MEGF11: variants seen among roughly 807,000 people sequenced by gnomAD.
The protein encoded by MEGF11 is multiple EGF like domains 11.
MEGF11 carries 126 observed loss-of-function variants against 146.6 expected under a neutral mutation model. That is an observed-to-expected ratio of 0.86 (90% CI 0.74 to 1.00). The LOEUF is 1.00. Ranked by LOEUF, MEGF11 falls within the 50% of genes least tolerant of loss-of-function variation. MEGF11 has a pLI of 0.00. For missense variants in MEGF11, 1,509 were observed against 1,521.2 expected (o/e 0.99, Z 0.13); for synonymous variants, 532 against 583.4 (o/e 0.91, Z 1.27).
chr15:65,970,811 G>A, intron 7 of MEGF11, 122 bp from the exon 8 acceptor site: 1 of 1,136,304 alleles, frequency 8.8e-7, no homozygotes, highest in Non-Finnish European at 1.2e-6. Flanking sequence ...TCAGACAGCT[G>A]GACACCAGGG....
chr15:65,909,285 A>G, intron 22 of MEGF11, 150 bp from the exon 23 acceptor site: 1 of 645,674 alleles, frequency 1.5e-6, no homozygotes, highest in Non-Finnish European at 2.8e-6. Context: ...CAGAGGGGCC[A>G]GGGCCAGCGG....
At chr15:66,193,276 TC>T (rs1281830850) in intron 1 of MEGF11, among the ~76,000 whole-genome samples, 4 of 152,224 alleles carry the variant, frequency 2.6e-5, no homozygotes, top group Non-Finnish European at 5.9e-5. Context: ...TGAAGCTGAC[TC>T]CTTTGTGTTC....
intron 5 of MEGF11, among the ~76,000 whole-genome samples, chr15:66,011,936 T>C (rs1315042988): frequency 2.6e-5 from 4 of 152,068 alleles, no homozygotes; most frequent in African/African-American, 9.7e-5. Flanking sequence ...GATGTATGCA[T>C]GTGCATAAAG....
At chr15:66,178,443 T>A (rs2090451743) in intron 1 of MEGF11, among the ~76,000 whole-genome samples, 2 of 152,170 alleles carry the variant, frequency 1.3e-5, no homozygotes, top group African/African-American at 4.8e-5. Context: ...CTGTTTGCAG[T>A]GGTGTACCCT....
At chr15:65,941,096 A>T (rs926012345) in intron 10 of MEGF11, among the ~76,000 whole-genome samples, 2 of 152,200 alleles carry the variant, frequency 1.3e-5, no homozygotes, top group Non-Finnish European at 2.9e-5. Flanking sequence ...ACCTTCCAAC[A>T]GTTCCCAAAC....
intron 1 of MEGF11, among the ~76,000 whole-genome samples, chr15:66,158,074 G>A (rs1211488134): frequency 1.3e-5 from 2 of 152,184 alleles, no homozygotes; most frequent in African/African-American, 4.8e-5. Context: ...GTTCACTTGC[G>A]TGAATGACTT....
chr15:66,191,323 C>G (rs1203304477), intron 1 of MEGF11, among the ~76,000 whole-genome samples: 1 of 152,152 alleles, frequency 6.6e-6, no homozygotes, highest in East Asian at 1.9e-4. Flanking sequence ...ACAAAGGATT[C>G]GGCTTTTAAG....
At chr15:66,245,992 G>A (rs1396979093) in intron 1 of MEGF11, among the ~76,000 whole-genome samples, 1 of 152,180 alleles carries the variant, frequency 6.6e-6, no homozygotes, top group African/African-American at 2.4e-5. Flanking sequence ...CAGGCATGGT[G>A]GCTCACTCCT....
intron 10 of MEGF11, among the ~76,000 whole-genome samples, chr15:65,941,232 G>A (rs1436791080): frequency 5.9e-5 from 9 of 152,092 alleles, no homozygotes; most frequent in African/African-American, 1.2e-4. Flanking sequence ...ACTGGCTAAC[G>A]TGGTGAAAAC....
In MEGF11 at chr15:66,134,378, C is replaced by T. The variant is rs2088794126; in HGVS notation, c.-8-5967G>A. 2.0e-5 allele frequency among the ~76,000 whole-genome samples: 3 copies of T among 152,096 alleles called. No homozygotes were observed. The South Asian group carries it at 6.2e-4, about 32-fold the overall frequency. ...TGTTCTTAGGCCATTCCATTTCTCA[C>T]AAAGCAATTATCTCCATCTTTCCAT... On this transcript the variant is annotated intron_variant, in intron 1 of 25. Coordinates refer to ENST00000395614, the MANE Select transcript of MEGF11 (RefSeq NM_001385028.1).
At chr15:66,236,019 AG>A (rs2092083720) in intron 1 of MEGF11, among the ~76,000 whole-genome samples, 1 of 152,212 alleles carries the variant, frequency 6.6e-6, no homozygotes, top group African/African-American at 2.4e-5. Context: ...CAGAACAGAA[AG>A]ACAAGTCACT....
intron 10 of MEGF11, among the ~76,000 whole-genome samples, chr15:65,938,912 T>G (rs2079882137): frequency 6.6e-6 from 1 of 152,222 alleles, no homozygotes; most frequent in Admixed American, 6.5e-5. Context: ...ATATGCTGCT[T>G]TGTAGTTTGG....
At chr15:66,072,362 T>A (rs552378150) in intron 5 of MEGF11, among the ~76,000 whole-genome samples, 1 of 152,300 alleles carries the variant, frequency 6.6e-6, no homozygotes, top group East Asian at 1.9e-4. Flanking sequence ...ATGAGGGCCT[T>A]CCCTGACCAC....
chr15:66,039,469 G>A (rs1460118618), intron 5 of MEGF11, among the ~76,000 whole-genome samples: 1 of 152,212 alleles, frequency 6.6e-6, no homozygotes, highest in African/African-American at 2.4e-5. Flanking sequence ...TGAGCACTGA[G>A]TTAGACCTTT....
intron 1 of MEGF11, among the ~76,000 whole-genome samples, chr15:66,154,771 G>A (rs142654472): frequency 6.6e-6 from 1 of 152,286 alleles, no homozygotes; most frequent in African/African-American, 2.4e-5. Context: ...CCCCTGTTGG[G>A]CCAGGAGGTA....
In MEGF11 at chr15:65,940,348, G is replaced by C. The variant is rs533981705; in HGVS notation, c.1288-9405C>G. Among the ~76,000 whole-genome samples, 259 of 152,360 alleles carry C rather than the reference G, an allele frequency of 1.7e-3. 1 individual carries two copies. The highest frequency in any genetic ancestry group is 6.1e-3 in the African/African-American group (255 of 41,584). On this transcript the variant is annotated intron_variant, in intron 10 of 25. Coordinates refer to ENST00000395614, the MANE Select transcript of MEGF11 (RefSeq NM_001385028.1). ...GCAAGTGCCTGCTCCTTGTCAAGCAGAATGCCAGCCCTGGGCTGCTGCACT... is the reference window on the plus strand; with the variant it reads ...GCAAGTGCCTGCTCCTTGTCAAGCACAATGCCAGCCCTGGGCTGCTGCACT...
intron 1 of MEGF11, among the ~76,000 whole-genome samples, chr15:66,246,808 T>A (rs550106757): frequency 1.3e-5 from 2 of 152,166 alleles, no homozygotes; most frequent in African/African-American, 4.8e-5. Context: ...TACGATTCTA[T>A]CTCAAAACTA....
chr15:65,914,005 C>T (rs372653771), intron 19 of MEGF11, 32 bp from the exon 20 acceptor site: 2 of 1,589,320 alleles, frequency 1.3e-6, no homozygotes, highest in Non-Finnish European at 1.7e-6. Context: ...GAGCCTGGGG[C>T]TGGCCTTCTT....
chr15:65,898,682 G>A (rs775025323), intron 25 of MEGF11, 46 bp downstream of exon 25: 2 of 1,606,968 alleles, frequency 1.2e-6, no homozygotes, highest in South Asian at 1.1e-5. Flanking sequence ...TTCAAATGCT[G>A]CACTATTGCC....
Sources: allele counts gnomAD v4.1 joint callset (sites outside exome capture counted in the v4.1 genomes callset), GRCh38; gene constraint gnomAD v4.1.1; transcripts MANE v1.5; gene names NCBI Gene and HGNC (gene_info 2026-07-23, HGNC 2026-07-21).